The following TPD52L1 variants were observed in gnomAD, a reference collection of about 807,000 sequenced individuals.
TPD52L1 encodes the protein TPD52 like 1, also known as tumor protein D53.
In TPD52L1, 18 loss-of-function variants were observed where a neutral mutation model predicts 28.7. The ratio of observed to expected loss-of-function variants is 0.63; its 90% CI spans 0.43 to 0.93. The LOEUF (loss-of-function observed/expected upper bound fraction) is 0.93. Ranked by LOEUF, TPD52L1 falls within the 40% of genes least tolerant of loss-of-function variation. The probability of loss-of-function intolerance (pLI) is 0.00; values close to 1 mark genes in which losing one functional copy is unlikely to be tolerated. For synonymous variants in TPD52L1, 75 were observed against 88.8 expected (o/e 0.84, Z 0.88); for missense variants, 203 against 254.8 (o/e 0.80, Z 1.39).
intron 1 of TPD52L1, among the ~76,000 whole-genome samples, chr6:125,206,341 G>A (rs1004869883): frequency 1.3e-5 from 2 of 151,834 alleles, no homozygotes; most frequent in Non-Finnish European, 2.9e-5. Context: ...CATTTATACT[G>A]TATATAGTAT....
intron 1 of TPD52L1, among the ~76,000 whole-genome samples, chr6:125,167,032 G>A (rs1429319034): frequency 6.6e-6 from 1 of 152,076 alleles, no homozygotes; most frequent in African/African-American, 2.4e-5. Flanking sequence ...CGAGGCAGGA[G>A]GACTGCTTGA....
chr6:125,260,927 A>G lies in TPD52L1; in HGVS notation c.487-1907A>G, dbSNP rs551428607. Reference sequence around the variant, plus strand: ...AAGAAAGGAAAGAAAGAAAGAAGAAAGAAAGAAAGAAAGAAAGAAAGAAAG... The same window carrying G: ...AAGAAAGGAAAGAAAGAAAGAAGAAGGAAAGAAAGAAAGAAAGAAAGAAAG... On this transcript the variant is annotated intron_variant, in intron 6 of 6. Transcript: ENST00000534000. 2.3e-4 allele frequency: 4 copies of G among 17,056 alleles called. No homozygotes were observed. The Admixed American group carries it at 4.4e-3, about 19-fold the overall frequency. 1.1% of individuals were successfully genotyped at this position (17,056 alleles called of 1,614,324 possible).
intron 4 of TPD52L1, 180 bp from the exon 5 acceptor site, chr6:125,253,537 G>A: frequency 1.7e-6 from 1 of 595,056 alleles, no homozygotes; most frequent in Non-Finnish European, 3.0e-6. Context: ...TTATACCCTT[G>A]AAAGCTGACT....
chr6:125,201,409 A>G (rs761286632), intron 1 of TPD52L1, among the ~76,000 whole-genome samples: 4 of 151,972 alleles, frequency 2.6e-5, no homozygotes, highest in South Asian at 2.1e-4. Flanking sequence ...TTATACTTGA[A>G]TACTGGTGCC....
intron 3 of TPD52L1, among the ~76,000 whole-genome samples, chr6:125,242,423 A>G (rs926021349): frequency 1.4e-5 from 2 of 147,638 alleles, no homozygotes; most frequent in African/African-American, 2.5e-5. Context: ...ATTGCCATCT[A>G]TCTCATTTCT....
intron 1 of TPD52L1, among the ~76,000 whole-genome samples, chr6:125,180,107 C>A (rs886960293): frequency 8.5e-5 from 13 of 152,158 alleles, no homozygotes; most frequent in African/African-American, 2.9e-4. Flanking sequence ...CATCACTGTT[C>A]CTCAGTTCTC....
rs1207009571 is a variant in TPD52L1, at chr6:125,248,369, G to T, written c.372G>T (p.Lys124Asn). 1.2e-6 allele frequency: 2 copies of T among 1,614,142 alleles called. No homozygotes were observed. Among genetic ancestry groups the T allele is most frequent in the Admixed American group, 1.7e-5 (1 of 60,016 alleles). The change falls in exon 4 of 7, where the codon AAG (lysine) becomes AAT (asparagine). Residue 124 changes from lysine (K) to asparagine (N), a missense_variant. By Grantham distance (94) the Lys-to-Asn change is moderately conservative. Transcript: ENST00000534000. ...ACGTTGGAACGGCCATCAGCAAGAA[G>T]TTCGGAGACATGAGGTACTGTGGGA... is the stretch of plus-strand genomic sequence containing the variant. ...FSNVGTAISK[K>N]FGDMSYSIRH... is the part of the protein sequence containing the mutation.
At chr6:125,261,613 G>A (rs1351899214) in intron 6 of TPD52L1, 1 of 148,930 alleles carries the variant, frequency 6.7e-6, no homozygotes, top group Non-Finnish European at 1.5e-5. Context: ...TACATTACAT[G>A]GCCTGGACCA....
rs986553261 is a variant in TPD52L1, at chr6:125,153,786, G to T, written c.-166G>T. 1.2e-5 allele frequency: 8 copies of T among 694,914 alleles called. No homozygotes were observed. Among genetic ancestry groups the T allele is most frequent in the Non-Finnish European group, 1.8e-5 (8 of 443,720 alleles). 43.0% of individuals were successfully genotyped at this position (694,914 alleles called of 1,614,324 possible). On this transcript the variant is annotated 5_prime_UTR_variant, in exon 1 of 7. Coordinates refer to ENST00000534000, the MANE Select transcript of TPD52L1 (RefSeq NM_003287.4). The stretch of plus-strand genomic sequence containing the variant: ...GCGGAGGTAACCAGAAGCGGCTAGT[G>T]GCGGCTGCCTGCGTCCCCAACCCCC...
At chr6:125,199,114 G>C (rs554895291) in intron 1 of TPD52L1, among the ~76,000 whole-genome samples, 9 of 152,312 alleles carry the variant, frequency 5.9e-5, no homozygotes, top group Non-Finnish European at 1.2e-4. Flanking sequence ...TGATTCTTGT[G>C]AGAGAAAAGT....
chr6:125,259,048 T>C (rs982723145), intron 6 of TPD52L1, among the ~76,000 whole-genome samples: 5 of 152,204 alleles, frequency 3.3e-5, no homozygotes, highest in African/African-American at 1.2e-4. Flanking sequence ...CTTTTTTATA[T>C]AGCTTATTTT....
At chr6:125,228,971 A>G (rs915905147) in intron 2 of TPD52L1, 147 bp from the exon 3 acceptor site, 3 of 588,068 alleles carry the variant, frequency 5.1e-6, no homozygotes, top group Admixed American at 7.6e-5. Flanking sequence ...TTAGACTATC[A>G]TCTGTATGGG....
chr6:125,213,803 A>T (rs1294351555), intron 1 of TPD52L1, among the ~76,000 whole-genome samples: 1 of 152,142 alleles, frequency 6.6e-6, no homozygotes, highest in Non-Finnish European at 1.5e-5. Flanking sequence ...TCCTTCCTAG[A>T]GTTCAAAAAG....
At chr6:125,172,129 TTTC>T (rs1562210615) in intron 1 of TPD52L1, among the ~76,000 whole-genome samples, 389 of 73,018 alleles carry the variant, frequency 5.3e-3, no homozygotes, top group African/African-American at 0.026. Flanking sequence ...TCTTTCTTTC[TTTC>T]TTTCTTTCTT....
chr6:125,209,887 T>C (rs1262851385), intron 1 of TPD52L1, among the ~76,000 whole-genome samples: 3 of 152,180 alleles, frequency 2.0e-5, no homozygotes, highest in Non-Finnish European at 4.4e-5. Flanking sequence ...CAACAAATAA[T>C]TTATTGAATT....
chr6:125,175,593 C>T (rs1388066344), intron 1 of TPD52L1, among the ~76,000 whole-genome samples: 1 of 152,042 alleles, frequency 6.6e-6, no homozygotes, highest in Admixed American at 6.6e-5. Context: ...GGAAATTATT[C>T]ACAAAGAGTG....
intron 3 of TPD52L1, among the ~76,000 whole-genome samples, chr6:125,236,711 G>A (rs1796277639): frequency 6.6e-6 from 1 of 152,132 alleles, no homozygotes; most frequent in South Asian, 2.1e-4. Context: ...TTTCCCTTGA[G>A]TCACGTTTCA....
At chr6:125,159,584 G>T (rs751427565) in intron 1 of TPD52L1, among the ~76,000 whole-genome samples, 36 of 152,076 alleles carry the variant, frequency 2.4e-4, no homozygotes, top group Non-Finnish European at 4.1e-4. Context: ...CATGAATTAC[G>T]AATGTTCTTA....
chr6:125,162,742 T>A (rs1790605600), intron 1 of TPD52L1, among the ~76,000 whole-genome samples: 1 of 152,244 alleles, frequency 6.6e-6, no homozygotes, highest in Non-Finnish European at 1.5e-5. Context: ...ATCATAGGAT[T>A]GTTATGGGGA....
Sources: gnomAD v4.1 joint callset for allele counts (sites outside exome capture counted in the v4.1 genomes callset) on GRCh38, gnomAD v4.1.1 for gene constraint, MANE v1.5 for transcripts, NCBI Gene and HGNC (gene_info 2026-07-23, HGNC 2026-07-21) for gene names.